The following RAB11FIP5 variants were observed in gnomAD, a reference collection of about 807,000 sequenced individuals.
RAB11FIP5 encodes RAB11 family interacting protein 5, also known as rab11 family-interacting protein 5.
In RAB11FIP5, 48 loss-of-function variants were observed where a neutral mutation model predicts 85.1. The ratio of observed to expected loss-of-function variants is 0.56; its 90% confidence interval spans 0.45 to 0.72. The LOEUF (loss-of-function observed/expected upper bound fraction) is 0.72. Ranked by LOEUF, RAB11FIP5 falls within the 30% of genes least tolerant of loss-of-function variation. RAB11FIP5 has a pLI of 0.00. For missense variants in RAB11FIP5, 1,491 were observed against 1,687.0 expected (o/e 0.88, Z 2.04); for synonymous variants, 729 against 727.3 (o/e 1.00, Z -0.04).
At position 73,088,065 on chromosome 2, in the gene RAB11FIP5, G is replaced by A. The variant is rs373507575; in HGVS notation, c.1553C>T (p.Pro518Leu). 2.9e-5 allele frequency: 47 copies of A among 1,597,808 alleles called. No individual in the cohort carries two copies. The highest frequency in any genetic ancestry group is 1.6e-4 in the East Asian group (7 of 44,626). ...SWFGLREAKD[P>L]TQKPSLDVSP... ...AACGACTTACCTGGGTTTCTGAGTC[G>A]GGTCCTTGGCTTCTCTCAAGCCAAA... Residue 518 changes from proline (P) to leucine (L), a missense_variant, in exon 3 of 6, where the codon CCG becomes CTG. Coordinates refer to ENST00000486777, the MANE Select transcript of RAB11FIP5 (RefSeq NM_001371272.1).
At chr2:73,103,207 T>C (rs1202723282) in intron 1 of RAB11FIP5, among the ~76,000 whole-genome samples, 3 of 152,188 alleles carry the variant, frequency 2.0e-5, no homozygotes, top group Non-Finnish European at 4.4e-5. Context: ...GGCCAGAAGA[T>C]GATTCTTATC....
At chr2:73,092,982 C>T (rs1440762613) in intron 1 of RAB11FIP5, among the ~76,000 whole-genome samples, 1 of 152,178 alleles carries the variant, frequency 6.6e-6, no homozygotes, top group African/African-American at 2.4e-5. Context: ...GCTGAGATGG[C>T]CACATCCTCC....
At chr2:73,107,553 C>G (rs1684553122) in intron 1 of RAB11FIP5, among the ~76,000 whole-genome samples, 1 of 152,164 alleles carries the variant, frequency 6.6e-6, no homozygotes, top group Non-Finnish European at 1.5e-5. Context: ...GGGCTCAGGG[C>G]CAGGGGCAGA....
At chr2:73,087,832 T>C (rs111291475) in intron 3 of RAB11FIP5, among the ~76,000 whole-genome samples, 4 of 152,094 alleles carry the variant, frequency 2.6e-5, no homozygotes, top group African/African-American at 9.7e-5. Flanking sequence ...CCTCAATCCA[T>C]AGGACTCTCA....
At chr2:73,105,198 T>G (rs916597430) in intron 1 of RAB11FIP5, among the ~76,000 whole-genome samples, 2 of 152,192 alleles carry the variant, frequency 1.3e-5, no homozygotes, top group Non-Finnish European at 2.9e-5. Flanking sequence ...GAAAGTGCCC[T>G]GGTGGAAAGT....
intron 4 of RAB11FIP5, among the ~76,000 whole-genome samples, chr2:73,076,765 C>G (rs1017994511): frequency 1.4e-4 from 21 of 152,146 alleles, no homozygotes; most frequent in Admixed American, 9.8e-4. Flanking sequence ...TCCTAGTCAC[C>G]TTCCCCTTTC....
intron 1 of RAB11FIP5, among the ~76,000 whole-genome samples, chr2:73,101,028 G>A (rs1684419096): frequency 6.8e-6 from 1 of 146,312 alleles, no homozygotes; most frequent in Non-Finnish European, 1.5e-5. Flanking sequence ...CTGGGAGAAA[G>A]GTTGGTGGTG....
chr2:73,075,093 G>A lies in RAB11FIP5; in HGVS notation c.*428C>T, dbSNP rs2106098532. 2.6e-6 allele frequency: 1 copy of A among 381,486 alleles called. No homozygotes were observed. The highest frequency in any genetic ancestry group is 5.1e-6 in the Non-Finnish European group (1 of 194,194). 23.6% of individuals were successfully genotyped at this position (381,486 alleles called of 1,614,324 possible). A position where few individuals can be genotyped will look rare whatever the true frequency, so the allele number is the denominator to read the frequency against. Reference sequence around the variant, plus strand: ...ATACTAGAAGCCCCTCCAGGGACTGGAGGGAAATGAAGGGGATGGGGCTTT... The same window carrying A: ...ATACTAGAAGCCCCTCCAGGGACTGAAGGGAAATGAAGGGGATGGGGCTTT... On this transcript the variant is annotated 3_prime_UTR_variant, in exon 6 of 6. Transcript: ENST00000486777. This position sits in a 1 kb window ranked among gnomAD's most constrained non-coding sequence, Gnocchi z 4.6.
At chr2:73,108,210 C>T (rs1684568264) in intron 1 of RAB11FIP5, among the ~76,000 whole-genome samples, 1 of 152,214 alleles carries the variant, frequency 6.6e-6, no homozygotes, top group Admixed American at 6.5e-5. Flanking sequence ...AATTCATGGT[C>T]ACAACAGTTT....
chr2:73,093,861 C>T (rs935740075), intron 1 of RAB11FIP5, among the ~76,000 whole-genome samples: 1 of 152,316 alleles, frequency 6.6e-6, no homozygotes, highest in South Asian at 2.1e-4. Flanking sequence ...TGGCTCATGC[C>T]TGCAATCCCA....
At position 73,079,930 on chromosome 2, in the gene RAB11FIP5, G is replaced by C; in HGVS notation, c.3302C>G (p.Pro1101Arg). The C allele has an allele frequency of 7.3e-6, 9 of 1,232,306 alleles. No individual in the cohort carries two copies. The highest frequency in any genetic ancestry group is 9.1e-6 in the Non-Finnish European group (9 of 988,104). 76.3% of individuals were successfully genotyped at this position (1,232,306 alleles called of 1,614,324 possible). Reference sequence around the variant, plus strand: ...AGGGGGCGGTGGAAAGTCAGGCTCTGGGGGAGTGGGCAGCTCTTCTGGACC... The same window carrying C: ...AGGGGGCGGTGGAAAGTCAGGCTCTCGGGGAGTGGGCAGCTCTTCTGGACC... ...HSGPEELPTP[P>R]EPDFPPPPLP... Residue 1101 changes from proline to arginine, a missense_variant, in exon 4 of 6, where the codon CCA becomes CGA. Physicochemically the swap from Pro to Arg is moderately radical, Grantham distance 103. Coordinates refer to ENST00000486777, the MANE Select transcript of RAB11FIP5 (RefSeq NM_001371272.1).
Position 73,089,825 on chromosome 2 carries a change from A to T in RAB11FIP5, c.432-510T>A, listed in dbSNP as rs769755705. On this transcript the variant is annotated intron_variant, in intron 1 of 5. Transcript: ENST00000486777. This position sits in a 1 kb window ranked among gnomAD's most constrained non-coding sequence, Gnocchi z 4.6. ...CCGTGAGCCCAGGAAAGAACAGCTC[A>T]CCCAGAGGCCCAGGGCCAGGAACAC... is the stretch of plus-strand genomic sequence containing the variant. Among the ~76,000 whole-genome samples the T allele has an allele frequency of 4.0e-5, 6 of 151,376 alleles. No homozygotes were observed. The highest frequency in any genetic ancestry group is 8.8e-5 in the Non-Finnish European group (6 of 67,858).
Position 73,081,414 on chromosome 2 carries a change from G to A in RAB11FIP5, c.1818C>T (p.Asn606=), listed in dbSNP as rs1683981252. The change falls in exon 4 of 6, where the codon AAC becomes AAT. Residue 606 remains asparagine (N), a synonymous_variant. Transcript: ENST00000486777. This position sits in a 1 kb window ranked among gnomAD's most constrained non-coding sequence, Gnocchi z 4.2. ...CGGCTATGAGCTCCTCGAAGAAGGGGTTGCTCTGCAAAGAGGTGAGGAACG... is the reference window on the plus strand; with the variant it reads ...CGGCTATGAGCTCCTCGAAGAAGGGATTGCTCTGCAAAGAGGTGAGGAACG... ...TNPFLTSLQS[N]PFFEELIADI... is the part of the protein sequence containing the mutation. The A allele has an allele frequency of 4.1e-6, 5 of 1,232,574 alleles. No individual in the cohort carries two copies. The highest frequency in any genetic ancestry group is 8.4e-5 in the Admixed American group (2 of 23,706). The allele number at this position is 1,232,574 out of a possible 1,614,324, so 76.4% of individuals were successfully genotyped here.
Position 73,101,746 on chromosome 2 carries a change from C to G in RAB11FIP5, c.431+10601G>C, listed in dbSNP as rs748281045. Among the ~76,000 whole-genome samples, 11 of 152,242 alleles carry G rather than the reference C, an allele frequency of 7.2e-5. No individual in the cohort carries two copies. In the East Asian group the frequency reaches 1.5e-3, roughly 21 times the overall value. ...ACACCTGTGAACTCATCAGCCCACCCGCTCACCACCGCACAGGGGCTGACA... is the reference window on the plus strand; with the variant it reads ...ACACCTGTGAACTCATCAGCCCACCGGCTCACCACCGCACAGGGGCTGACA... On this transcript the variant is annotated intron_variant, in intron 1 of 5. Coordinates refer to ENST00000486777, the MANE Select transcript of RAB11FIP5 (RefSeq NM_001371272.1).
intron 1 of RAB11FIP5, among the ~76,000 whole-genome samples, chr2:73,110,479 T>TC (rs371852247): frequency 0.16 from 23,345 of 150,414 alleles, 3,045 homozygotes; most frequent in African/African-American, 0.36. Flanking sequence ...CCACTCCTGT[T>TC]CCCCCCCCGG....
At chr2:73,083,294 G>A (rs1038407652) in intron 3 of RAB11FIP5, among the ~76,000 whole-genome samples, 4 of 152,144 alleles carry the variant, frequency 2.6e-5, no homozygotes, top group African/African-American at 7.2e-5. Flanking sequence ...AGGTCAGCTC[G>A]GCAGCTACCA....
At position 73,075,688 on chromosome 2, in the gene RAB11FIP5, G is replaced by A. The variant is rs17853366; in HGVS notation, c.3808C>T (p.His1270Tyr). 1 of 1,612,288 alleles carries A rather than the reference G, an allele frequency of 6.2e-7. No homozygotes were observed. The highest frequency in any genetic ancestry group is 1.3e-5 in the African/African-American group (1 of 74,900). The stretch of plus-strand genomic sequence containing the variant: ...CTGATGAGCTCATCGTGGGTCAGGT[G>A]GTAGTACTTGGCCGACTGGTCCAGC... ...AVLDQSAKYY[H>Y]LTHDELISLL... Residue 1270 changes from histidine (H) to tyrosine (Y), a missense_variant, in exon 6 of 6, where the codon CAC becomes TAC. His to Tyr is a moderately conservative substitution (Grantham distance 83, BLOSUM62 2). Coordinates refer to ENST00000486777, the MANE Select transcript of RAB11FIP5 (RefSeq NM_001371272.1). The surrounding 1 kb of genome is among the most constrained non-coding windows in gnomAD (Gnocchi z 4.6).
rs140198125 is a variant in RAB11FIP5 at position 73,095,874 on chromosome 2, AC to A, written c.432-6560del. ...CCAGACCCCCTTTCAAAAGGTTGGC[AC>A]AATCCCAGAGCACAGAGCCCTGAGA... On this transcript the variant is annotated intron_variant, in intron 1 of 5. Transcript: ENST00000486777. Among the ~76,000 whole-genome samples the A allele has an allele frequency of 1.6e-3, 238 of 152,288 alleles. 3 individuals are homozygous for A. The highest frequency in any genetic ancestry group is 4.2e-3 in the African/African-American group (174 of 41,532).
intron 1 of RAB11FIP5, among the ~76,000 whole-genome samples, chr2:73,106,546 C>T (rs1269244824): frequency 6.6e-6 from 1 of 152,196 alleles, no homozygotes; most frequent in African/African-American, 2.4e-5. Context: ...GCCTCTAGAA[C>T]TGCCTTTGGA....
Sources: gnomAD v4.1 joint callset for allele counts (sites outside exome capture counted in the v4.1 genomes callset) on GRCh38, gnomAD v4.1.1 for gene constraint, Gnocchi (gnomAD v3.1) non-coding constraint, MANE v1.5 for transcripts, NCBI Gene and HGNC (gene_info 2026-07-23, HGNC 2026-07-21) for gene names.